The following AVIL variants were observed in gnomAD, a reference collection of about 807,000 sequenced individuals.
AVIL encodes advillin.
A neutral mutation model predicts 109.9 loss-of-function variants in AVIL; 78 were observed. The observed-to-expected ratio is 0.71, with a 90% CI of 0.59 to 0.86. The LOEUF is 0.86. AVIL is among the 40% of genes least tolerant of loss of function. The pLI is 0.00. For synonymous variants in AVIL, 367 were observed against 379.1 expected (o/e 0.97, Z 0.37); for missense variants, 892 against 1,016.5 (o/e 0.88, Z 1.67).
chr12:57,809,597 C>G lies in AVIL; in HGVS notation c.939G>C (p.Leu313=), dbSNP rs777534388. Residue 313 remains leucine, a splice_region_variant and synonymous_variant, in exon 9 of 20, where the codon CTG becomes CTC. Transcript: ENST00000549994. ...AEKQAAMSKA[L]GFIKMKSYPS... Reference sequence around the variant, plus strand: ...AGTATTGCACATCTGTAGCTCCTACCAGCGCTTTAGACATGGCTGCCTGTT... The same window carrying G: ...AGTATTGCACATCTGTAGCTCCTACGAGCGCTTTAGACATGGCTGCCTGTT... 2.5e-6 allele frequency: 4 copies of G among 1,614,212 alleles called. No homozygotes were observed. The highest frequency in any genetic ancestry group is 1.3e-5 in the African/African-American group (1 of 75,066).
At chr12:57,805,047 T>A (rs919316972) in intron 14 of AVIL, among the ~76,000 whole-genome samples, 1 of 152,264 alleles carries the variant, frequency 6.6e-6, no homozygotes, top group South Asian at 2.1e-4. Context: ...TTTTGTAAAA[T>A]AATTTTAGTG....
rs200603028 is a variant in AVIL at position 57,810,421 on chromosome 12, C to T, written c.689G>A (p.Arg230His). The T allele has an allele frequency of 1.2e-4, 190 of 1,614,046 alleles. No individual in the cohort carries two copies. The highest frequency in any genetic ancestry group is 1.5e-4 in the Non-Finnish European group (172 of 1,180,048). Residue 230 changes from arginine (R) to histidine (H), a missense_variant, in exon 7 of 20, where the codon CGC becomes CAC. Physicochemically the swap from Arg to His is conservative, Grantham distance 29. Transcript: ENST00000549994. The part of the protein sequence containing the change: ...MKVLQDTLGR[R>H]SIIKPTVPDE... ...AGGGACTGTAGGCTTGATAATGGAG[C>T]GTCGGCCAAGGGTGTCCTGAAGGAC...
At position 57,807,399 on chromosome 12, in the gene AVIL, G is replaced by C. The variant is rs754291220; in HGVS notation, c.1423C>G (p.Arg475Gly). Residue 475 changes from arginine (R) to glycine (G), a missense_variant, in exon 13 of 20, where the codon CGA (arginine) becomes GGA (glycine). Arg to Gly is a moderately radical substitution (Grantham distance 125, BLOSUM62 -2). Transcript: ENST00000549994. ...CGTGGCTCCGTTCCCATCCTGACTC[G>C]AACCTGCACAGCAGCCCCATCAAAC... Reference protein sequence around the residue: ...RQFDGAAVQVRVRMGTEPRHF... With the variant: ...RQFDGAAVQVGVRMGTEPRHF... 6.2e-7 allele frequency: 1 copy of C among 1,614,180 alleles called. No individual in the cohort carries two copies. Among genetic ancestry groups the C allele is most frequent in the Middle Eastern group, 1.6e-4 (1 of 6,062 alleles).
At position 57,798,141 on chromosome 12, in the gene AVIL, T is replaced by C. The variant is rs1301345203; in HGVS notation, c.2347-146A>G. ...ATTTCTCAGAAAGGCTGTTAAAGAT[T>C]TAAATTATTCATTGGAGAGGTGTTC... On this transcript the variant is annotated intron_variant, in intron 19 of 19. Coordinates refer to ENST00000549994, the MANE Select transcript of AVIL (RefSeq NM_006576.4). 1.1e-5 allele frequency: 6 copies of C among 536,156 alleles called. No homozygotes were observed. In the East Asian group the frequency reaches 2.0e-4, roughly 18 times the overall value. The allele number at this position is 536,156 out of a possible 1,614,324, so 33.2% of individuals were successfully genotyped here.
In AVIL at chr12:57,797,747, C is replaced by A; in HGVS notation, c.*135G>T. 1.4e-6 allele frequency: 1 copy of A among 727,838 alleles called. No homozygotes were observed. The highest frequency in any genetic ancestry group is 1.9e-6 in the Non-Finnish European group (1 of 513,094). 45.1% of individuals were successfully genotyped at this position (727,838 alleles called of 1,614,324 possible). On this transcript the variant is annotated 3_prime_UTR_variant, in exon 20 of 20. Transcript: ENST00000549994. Reference sequence around the variant, plus strand: ...AGGATGAGAAAAAATGGAGAACATGCCGTGATTTGCAGACTCTATTATATC... The same window carrying A: ...AGGATGAGAAAAAATGGAGAACATGACGTGATTTGCAGACTCTATTATATC...
intron 2 of AVIL, 108 bp from the exon 3 acceptor site, chr12:57,814,334 GA>G (rs1956075411): frequency 8.9e-7 from 1 of 1,127,434 alleles, no homozygotes; most frequent in Non-Finnish European, 1.3e-6. Context: ...AGAAGGAGGG[GA>G]GATGTTCTCA....
intron 4 of AVIL, among the ~76,000 whole-genome samples, chr12:57,812,146 C>T (rs892735840): frequency 3.3e-5 from 5 of 152,202 alleles, no homozygotes; most frequent in African/African-American, 1.2e-4. Flanking sequence ...TACCCTCAGC[C>T]CATGGAGTAG....
At chr12:57,815,781 C>T (rs973142562) in intron 2 of AVIL, 194 bp downstream of exon 2, 1 of 1,468,458 alleles carries the variant, frequency 6.8e-7, no homozygotes, top group Non-Finnish European at 9.0e-7. Flanking sequence ...TGAACATTTC[C>T]TCCACCTGCC....
intron 19 of AVIL, 25 bp downstream of exon 19, chr12:57,799,770 A>C (rs769856640): frequency 2.5e-6 from 4 of 1,613,264 alleles, no homozygotes; most frequent in Non-Finnish European, 3.4e-6. Flanking sequence ...CACTTCCAAC[A>C]GACACAGTTC....
chr12:57,803,604 C>G lies in AVIL; in HGVS notation c.1737G>C (p.Glu579Asp). 6.2e-7 allele frequency: 1 copy of G among 1,614,132 alleles called. No individual in the cohort carries two copies. The highest frequency in any genetic ancestry group is 1.1e-5 in the South Asian group (1 of 91,070). Residue 579 changes from glutamate to aspartate, a missense_variant, in exon 15 of 20, where the codon GAG becomes GAC. Glu to Asp is a conservative substitution (Grantham distance 45, BLOSUM62 2). Transcript: ENST00000549994. Reference sequence around the variant, plus strand: ...GCTCCTGGCCCTCGGCCACAGTGTTCTCGCTGCCATCACAGAGAAGGCTGG... The same window carrying G: ...GCTCCTGGCCCTCGGCCACAGTGTTGTCGCTGCCATCACAGAGAAGGCTGG... ...ELASLLCDGS[E>D]NTVAEGQEPA...
At position 57,801,363 on chromosome 12, in the gene AVIL, G is replaced by A. The variant is rs144234085; in HGVS notation, c.2152-151C>T. ...TAAAAATGAAAATCCCCCCTTTTGG[G>A]TCCATGCAGGCTTGAAAGGTGCTTA... On this transcript the variant is annotated intron_variant, in intron 17 of 19. Coordinates refer to ENST00000549994, the MANE Select transcript of AVIL (RefSeq NM_006576.4). The A allele has an allele frequency of 7.7e-4, 458 of 594,514 alleles. 8 individuals carry two copies. Among genetic ancestry groups the A allele is most frequent in the African/African-American group, 7.6e-3 (408 of 53,592 alleles). The allele number at this position is 594,514 out of a possible 1,614,324, so 36.8% of individuals were successfully genotyped here.
intron 3 of AVIL, among the ~76,000 whole-genome samples, chr12:57,813,912 G>A (rs1196433342): frequency 6.6e-6 from 1 of 152,110 alleles, no homozygotes; most frequent in African/African-American, 2.4e-5. Context: ...TGCTGCTTGT[G>A]GGTGGCTCAC....
In AVIL at chr12:57,803,575, G is replaced by C; in HGVS notation, c.1766C>G (p.Ala589Gly). 2 of 1,614,160 alleles carry C rather than the reference G, an allele frequency of 1.2e-6. No individual in the cohort carries two copies. Among genetic ancestry groups the C allele is most frequent in the South Asian group, 2.2e-5 (2 of 91,076 alleles). The change falls in exon 15 of 20, where the codon GCC becomes GGC. Residue 589 changes from alanine to glycine, a missense_variant. Ala to Gly is a moderately conservative substitution (Grantham distance 60). Coordinates refer to ENST00000549994, the MANE Select transcript of AVIL (RefSeq NM_006576.4). ...ENTVAEGQEP[A>G]EFWDLLGGKT... ...CCCTCCCAGTAGGTCCCAGAACTCG[G>C]CTGGCTCCTGGCCCTCGGCCACAGT...
At chr12:57,809,118 C>G in intron 9 of AVIL, 1 of 168,960 alleles carries the variant, frequency 5.9e-6, no homozygotes, top group East Asian at 1.7e-4. Context: ...TCTCAGTGCC[C>G]TGCCAGGTAG....
intron 1 of AVIL, among the ~76,000 whole-genome samples, 157 bp downstream of exon 1, chr12:57,818,472 A>G (rs1217649835): frequency 1.3e-5 from 2 of 152,120 alleles, no homozygotes; most frequent in African/African-American, 4.8e-5. Flanking sequence ...GTTCTTCTGA[A>G]CAAGAAGTTT....
In AVIL at chr12:57,799,818, C is replaced by A; in HGVS notation, c.2323G>T (p.Asp775Tyr). ...ACCTCCTTTTTGGCAGGGTTTACATCCTCAGGCAGCTCCTGATTCTGGTTT... is the reference window on the plus strand; with the variant it reads ...ACCTCCTTTTTGGCAGGGTTTACATACTCAGGCAGCTCCTGATTCTGGTTT... Reference protein sequence around the residue: ...LKNQNQELPEDVNPAKKENYL... With the variant: ...LKNQNQELPEYVNPAKKENYL... Residue 775 changes from aspartate (D) to tyrosine (Y), a missense_variant, in exon 19 of 20, where the codon GAT (aspartate) becomes TAT (tyrosine). Physicochemically the swap from Asp to Tyr is radical, Grantham distance 160. Transcript: ENST00000549994. The A allele has an allele frequency of 1.2e-6, 2 of 1,614,124 alleles. No homozygotes were observed. The highest frequency in any genetic ancestry group is 1.7e-6 in the Non-Finnish European group (2 of 1,180,030).
chr12:57,818,294 C>T (rs189131916), intron 1 of AVIL, among the ~76,000 whole-genome samples: 1 of 140,746 alleles, frequency 7.1e-6, no homozygotes, highest in East Asian at 2.1e-4. Context: ...CATGCCCTGG[C>T]TTCCCAAAGT....
At position 57,808,677 on chromosome 12, in the gene AVIL, C is replaced by G; in HGVS notation, c.940-129G>C. 7 of 1,156,014 alleles carry G rather than the reference C, an allele frequency of 6.1e-6. No individual in the cohort carries two copies. The South Asian group carries it at 1.2e-4, about 19-fold the overall frequency. 71.6% of individuals were successfully genotyped at this position (1,156,014 alleles called of 1,614,324 possible). On this transcript the variant is annotated intron_variant, in intron 9 of 19. Transcript: ENST00000549994. ...CCCCTCTGGGAGTCAGAGTCAAATT[C>G]TAACTCACTTTTGTCTAAGGACCAA...
intron 16 of AVIL, chr12:57,802,807 T>A (rs936489307): frequency 7.6e-5 from 43 of 569,146 alleles, no homozygotes; most frequent in African/African-American, 7.3e-4. Context: ...CAACTTTACC[T>A]CCTAAGCATT....
Sources: allele counts gnomAD v4.1 joint callset (sites outside exome capture counted in the v4.1 genomes callset), GRCh38; gene constraint gnomAD v4.1.1; transcripts MANE v1.5; gene names NCBI Gene and HGNC (gene_info 2026-07-23, HGNC 2026-07-21).